The following DSP variants were observed in gnomAD, a reference collection of about 807,000 sequenced individuals.
DSP encodes desmoplakin, also known as 250/210 kDa paraneoplastic pemphigus antigen.
Under a neutral mutation model 290.6 loss-of-function variants are expected in DSP, and 114 were observed. The observed-to-expected ratio is 0.39, with a 90% CI of 0.34 to 0.46. The LOEUF (loss-of-function observed/expected upper bound fraction) is 0.46, where lower values mean the gene tolerates loss of function less well. Among genes scored for constraint, DSP ranks in the 20% least tolerant of loss-of-function variants. The pLI is 0.99. For synonymous variants in DSP, 1,311 were observed against 1,316.4 expected (o/e 1.00, Z 0.09); for missense variants, 3,230 against 3,495.8 (o/e 0.92, Z 1.92).
At chr6:7,574,371 C>G in intron 16 of DSP, 119 bp downstream of exon 16, 1 of 1,110,000 alleles carries the variant, frequency 9.0e-7, no homozygotes, top group South Asian at 1.4e-5. Context: ...TACTTACATC[C>G]TTCTGTGGTT....
rs140961894 is a variant in DSP, at chr6:7,569,533, A to G, written c.1574+193A>G. Reference sequence around the variant, plus strand: ...TATGTTGAATAGACAGTCGTTATTGAAGAATAAAAGGGAATATCTGGCCGG... The same window carrying G: ...TATGTTGAATAGACAGTCGTTATTGGAGAATAAAAGGGAATATCTGGCCGG... On this transcript the variant is annotated intron_variant, in intron 12 of 23. Coordinates refer to ENST00000379802, the MANE Select transcript of DSP (RefSeq NM_004415.4). Among the ~76,000 whole-genome samples, 337 of 152,332 alleles carry G rather than the reference A, an allele frequency of 2.2e-3. 1 individual carries two copies. The highest frequency in any genetic ancestry group is 7.5e-3 in the African/African-American group (310 of 41,572).
chr6:7,581,474 C>G lies in DSP; in HGVS notation c.5284C>G (p.Arg1762Gly). The G allele has an allele frequency of 6.2e-7, 1 of 1,613,380 alleles. No homozygotes were observed. Among genetic ancestry groups the G allele is most frequent in the Admixed American group, 1.7e-5 (1 of 59,894 alleles). The change falls in exon 23 of 24, where the codon CGG becomes GGG. Residue 1762 changes from arginine (R) to glycine (G), a missense_variant. By Grantham distance (125) the Arg-to-Gly change is moderately radical. Coordinates refer to ENST00000379802, the MANE Select transcript of DSP (RefSeq NM_004415.4). ...LRSQLQISNNRTLELQGLIND... is the reference protein window; with the variant it reads ...LRSQLQISNNGTLELQGLIND... ...GAGCCAGCTGCAGATCAGCAACAAC[C>G]GGACCCTGGAACTGCAGGGGCTGAT... is the stretch of plus-strand genomic sequence containing the variant.
chr6:7,581,372 A>G lies in DSP; in HGVS notation c.5182A>G (p.Arg1728Gly). 6.2e-7 allele frequency: 1 copy of G among 1,614,230 alleles called. No homozygotes were observed. Among genetic ancestry groups the G allele is most frequent in the Non-Finnish European group, 8.5e-7 (1 of 1,180,036 alleles). The change falls in exon 23 of 24, where the codon AGG becomes GGG. Residue 1728 changes from arginine to glycine, a missense_variant. Arg to Gly is a moderately radical substitution (Grantham distance 125, BLOSUM62 -2). Around this residue, in one of 5 missense-constraint regions of DSP, gnomAD observed 1,714 missense variants for 1,844.5 expected, o/e 0.93. Coordinates refer to ENST00000379802, the MANE Select transcript of DSP (RefSeq NM_004415.4). ...GTTAGAAGAAGAACTGCGGAACCTGAGGCTGGAGTACGATGACCTGAGGAG... is the reference window on the plus strand; with the variant it reads ...GTTAGAAGAAGAACTGCGGAACCTGGGGCTGGAGTACGATGACCTGAGGAG... ...LMLEEELRNL[R>G]LEYDDLRRGR...
chr6:7,542,188 T>C (rs1758009155), intron 1 of DSP, 103 bp downstream of exon 1: 1 of 1,463,178 alleles, frequency 6.8e-7, no homozygotes, highest in Non-Finnish European at 9.2e-7. Context: ...GGTGGAAAGG[T>C]TTTTTTGCCC....
At chr6:7,572,104 T>C (rs370439759) in intron 15 of DSP, 36 bp downstream of exon 15, 2 of 1,550,380 alleles carry the variant, frequency 1.3e-6, no homozygotes, top group Non-Finnish European at 1.8e-6. Context: ...GGTTACCCTG[T>C]ATATTTTTAT....
rs750557604 is a variant in DSP at position 7,579,646 on chromosome 6, C to A, written c.3456C>A (p.Asn1152Lys). The A allele has an allele frequency of 3.7e-6, 6 of 1,613,884 alleles. No homozygotes were observed. The highest frequency in any genetic ancestry group is 2.2e-5 in the East Asian group (1 of 44,874). ...LQKARQCEKE[N>K]LGWQKLESEK... is the part of the protein sequence containing the mutation. ...AAGCAAGGCAATGTGAAAAGGAGAA[C>A]CTTGGTTGGCAGAAATTAGAGTCTG... is the stretch of plus-strand genomic sequence containing the variant. Residue 1152 changes from asparagine (N) to lysine (K), a missense_variant, in exon 23 of 24, where the codon AAC (asparagine) becomes AAA (lysine). Physicochemically the swap from Asn to Lys is moderately conservative, Grantham distance 94 (BLOSUM62 0). Coordinates refer to ENST00000379802, the MANE Select transcript of DSP (RefSeq NM_004415.4). This position sits in a 1 kb window ranked among gnomAD's most constrained non-coding sequence, Gnocchi z 4.1.
intron 7 of DSP, 126 bp from the exon 8 acceptor site, chr6:7,566,251 C>T (rs950979819): frequency 1.2e-5 from 9 of 780,076 alleles, no homozygotes; most frequent in African/African-American, 8.5e-5. Flanking sequence ...AGGAAAACAG[C>T]GTGATTCTTT....
At position 7,581,031 on chromosome 6, in the gene DSP, A is replaced by G. The variant is rs1759419529; in HGVS notation, c.4841A>G (p.Asn1614Ser). The G allele has an allele frequency of 6.2e-7, 1 of 1,613,854 alleles. No individual in the cohort carries two copies. Among genetic ancestry groups the G allele is most frequent in the Non-Finnish European group, 8.5e-7 (1 of 1,180,006 alleles). Residue 1614 changes from asparagine to serine, a missense_variant, in exon 23 of 24, where the codon AAC (asparagine) becomes AGC (serine). Transcript: ENST00000379802. ...AAGGAGCAAGCCATCAAAATCACCA[A>G]CCTGACCCAGCAGCTGGAGCAGGCA... ...SLKEQAIKITNLTQQLEQASI... is the reference protein window; with the variant it reads ...SLKEQAIKITSLTQQLEQASI...
At chr6:7,560,590 C>G (rs1426043849) in intron 4 of DSP, among the ~76,000 whole-genome samples, 1 of 152,134 alleles carries the variant, frequency 6.6e-6, no homozygotes, top group Non-Finnish European at 1.5e-5. Flanking sequence ...TCGAAGAAAA[C>G]AAGATGCATA....
chr6:7,568,462 A>C lies in DSP; in HGVS notation c.1292A>C (p.Tyr431Ser). The change falls in exon 11 of 24, where the codon TAC (tyrosine) becomes TCC (serine). Residue 431 changes from tyrosine to serine, a missense_variant. Coordinates refer to ENST00000379802, the MANE Select transcript of DSP (RefSeq NM_004415.4). ...LEKEREKILE[Y>S]KRQVQNLVNK... is the part of the protein sequence containing the mutation. ...AAAGAACGAGAGAAAATCCTTGAAT[A>C]CAAGCGTCAGGTGCAGAACTTGGTA... 2 of 1,614,160 alleles carry C rather than the reference A, an allele frequency of 1.2e-6. No homozygotes were observed. Among genetic ancestry groups the C allele is most frequent in the Non-Finnish European group, 1.7e-6 (2 of 1,180,028 alleles).
chr6:7,582,536 GC>G lies in DSP; in HGVS notation c.5380-105del. 9.6e-7 allele frequency: 1 copy of G among 1,037,918 alleles called. No homozygotes were observed. Among genetic ancestry groups the G allele is most frequent in the Non-Finnish European group, 1.4e-6 (1 of 701,538 alleles). 64.3% of individuals were successfully genotyped at this position (1,037,918 alleles called of 1,614,324 possible). A position where few individuals can be genotyped will look rare whatever the true frequency, so the allele number is the denominator to read the frequency against. ...AATATAGAAAGAAAAAATAAGCAAG[GC>G]TTTTTTTTTTAAAGATAGATACACA... is the stretch of plus-strand genomic sequence containing the variant. On this transcript the variant is annotated intron_variant, in intron 23 of 23. Coordinates refer to ENST00000379802, the MANE Select transcript of DSP (RefSeq NM_004415.4). The surrounding 1 kb of genome is among the most constrained non-coding windows in gnomAD (Gnocchi z 4.2).
chr6:7,575,601 A>C (rs1311927471), intron 18 of DSP, 113 bp downstream of exon 18: 1 of 1,285,308 alleles, frequency 7.8e-7, no homozygotes, highest in East Asian at 2.5e-5. Context: ...TTTTTGTGTA[A>C]GTTAGGCGTA....
intron 19 of DSP, 84 bp downstream of exon 19, chr6:7,576,540 CT>C (rs1449892776): frequency 1.9e-6 from 3 of 1,542,204 alleles, no homozygotes; most frequent in Non-Finnish European, 2.7e-6. Flanking sequence ...GTATCAGTGC[CT>C]AGGTTTGAAA....
intron 14 of DSP, 68 bp from the exon 15 acceptor site, chr6:7,571,774 T>C: frequency 3.8e-6 from 6 of 1,561,742 alleles, no homozygotes; most frequent in Non-Finnish European, 5.3e-6. Flanking sequence ...GTATGGATGT[T>C]TTTTGAGGCC....
chr6:7,581,634 T>G (rs1759444273), intron 23 of DSP, 65 bp downstream of exon 23: 2 of 1,597,616 alleles, frequency 1.3e-6, no homozygotes, highest in East Asian at 4.5e-5. Flanking sequence ...TATTATCTCA[T>G]CTGAACTGTG....
At position 7,571,384 on chromosome 6, in the gene DSP, T is replaced by C; in HGVS notation, c.1703T>C (p.Leu568Pro). The change falls in exon 14 of 24, where the codon CTG becomes CCG. Residue 568 changes from leucine to proline, a missense_variant and splice_region_variant. Leu to Pro is a moderately conservative substitution (Grantham distance 98, BLOSUM62 -3). Transcript: ENST00000379802. ...EKIRAMTIAK[L>P]KTMRQEDYMK... is the part of the protein sequence containing the mutation. ...TCACTTCTGCCTGTCTCCTTTCAGC[T>C]GAAAACAATGCGGCAGGAAGATTAC... is the stretch of plus-strand genomic sequence containing the variant. 1 of 1,614,166 alleles carries C rather than the reference T, an allele frequency of 6.2e-7. No homozygotes were observed. Among genetic ancestry groups the C allele is most frequent in the Non-Finnish European group, 8.5e-7 (1 of 1,180,022 alleles).
chr6:7,555,967 GATGTGTGTCTTCTTAACCT>G, intron 2 of DSP, 147 bp downstream of exon 2: 1 of 736,516 alleles, frequency 1.4e-6, no homozygotes, highest in Non-Finnish European at 2.4e-6. Context: ...ACTACAGAGA[GATGTGTGTCTTCTTAACCT>G]ATTTGTAATG....
At position 7,577,853 on chromosome 6, in the gene DSP, G is replaced by C. The variant is rs1335121578; in HGVS notation, c.2952G>C (p.Met984Ile). ...TGAACATACCTATCAAGAGGACCAT[G>C]ATTCAGTCCCCTTCTGGGGTGATTC... ...TLLNIPIKRTMIQSPSGVILQ... is the reference protein window; with the variant it reads ...TLLNIPIKRTIIQSPSGVILQ... Residue 984 changes from methionine to isoleucine, a missense_variant, in exon 21 of 24, where the codon ATG becomes ATC. This residue lies in a region of DSP where 1,714 missense variants were observed against 1,844.5 expected (regional missense o/e 0.93). Coordinates refer to ENST00000379802, the MANE Select transcript of DSP (RefSeq NM_004415.4). 6.2e-7 allele frequency: 1 copy of C among 1,614,048 alleles called. No individual in the cohort carries two copies. The highest frequency in any genetic ancestry group is 1.3e-5 in the African/African-American group (1 of 74,926).
At chr6:7,559,027 T>C (rs766075257) in intron 3 of DSP, among the ~76,000 whole-genome samples, 199 bp from the exon 4 acceptor site, 14 of 152,170 alleles carry the variant, frequency 9.2e-5, no homozygotes, top group Non-Finnish European at 1.8e-4. Flanking sequence ...TTACGCACTT[T>C]GAACCTCTTC....
Sources: allele counts gnomAD v4.1 joint callset (sites outside exome capture counted in the v4.1 genomes callset), GRCh38; gene constraint gnomAD v4.1.1; regional missense constraint gnomAD v4.1.1; non-coding constraint Gnocchi (gnomAD v3.1); transcripts MANE v1.5; gene names NCBI Gene and HGNC (gene_info 2026-07-23, HGNC 2026-07-21).